The following LRFN5 variants were observed in gnomAD, a reference collection of about 807,000 sequenced individuals.
The protein encoded by LRFN5 is leucine-rich repeat and fibronectin type-III domain-containing protein 5.
In LRFN5, 24 loss-of-function variants were observed where a neutral mutation model predicts 45.6. The observed-to-expected ratio is 0.53, with a 90% CI of 0.38 to 0.74. The LOEUF is 0.74. LRFN5 is among the 30% of genes least tolerant of loss of function. The probability of loss-of-function intolerance (pLI) is 0.00; values close to 1 mark genes in which losing one functional copy is unlikely to be tolerated. For synonymous variants in LRFN5, 340 were observed against 313.8 expected, an observed-to-expected ratio of 1.08 and a Z score of -0.88; for missense variants, 776 against 861.5, an observed-to-expected ratio of 0.90 and a Z score of 1.24.
intron 1 of LRFN5, among the ~76,000 whole-genome samples, chr14:41,762,839 C>T (rs1885726089): frequency 6.6e-6 from 1 of 151,984 alleles, no homozygotes; most frequent in Non-Finnish European, 1.5e-5. Context: ...GTTTTTGCAT[C>T]ATGTAGGCCA....
Position 41,891,446 on chromosome 14 carries a change from A to G in LRFN5, c.1582A>G (p.Thr528Ala). 6.2e-7 allele frequency: 1 copy of G among 1,614,142 alleles called. No homozygotes were observed. Among genetic ancestry groups the G allele is most frequent in the Non-Finnish European group, 8.5e-7 (1 of 1,180,020 alleles). ...CATGCAGTCTCAGTTTTTGGGAGGC[A>G]CCATGATTATTATTATTGGTGGAAT... is the stretch of plus-strand genomic sequence containing the variant. ...HFMQSQFLGGTMIIIIGGIIV... is the reference protein window; with the variant it reads ...HFMQSQFLGGAMIIIIGGIIV... The change falls in exon 4 of 6, where the codon ACC becomes GCC. Residue 528 changes from threonine to alanine, a missense_variant. Coordinates refer to ENST00000298119, the MANE Select transcript of LRFN5 (RefSeq NM_152447.5).
At chr14:41,691,597 A>G (rs529853766) in intron 1 of LRFN5, among the ~76,000 whole-genome samples, 5 of 152,100 alleles carry the variant, frequency 3.3e-5, no homozygotes, top group Non-Finnish European at 5.9e-5. Flanking sequence ...TATACGTAAC[A>G]TTTAAAATTT....
At chr14:41,703,547 T>G (rs534284580) in intron 1 of LRFN5, among the ~76,000 whole-genome samples, 73 of 152,250 alleles carry the variant, frequency 4.8e-4, no homozygotes, top group African/African-American at 1.7e-3. Context: ...TGTTTTTTTT[T>G]GTTTGTTTTT....
chr14:41,855,665 C>G (rs879377270), intron 2 of LRFN5, among the ~76,000 whole-genome samples: 5 of 152,136 alleles, frequency 3.3e-5, no homozygotes, highest in Admixed American at 3.3e-4. Context: ...ACTAAGGAAA[C>G]TCTTGATGAC....
At chr14:41,826,010 A>G (rs772694256) in intron 2 of LRFN5, among the ~76,000 whole-genome samples, 3 of 152,160 alleles carry the variant, frequency 2.0e-5, no homozygotes, top group Non-Finnish European at 2.9e-5. Context: ...GTCTTCTGTT[A>G]GGCTCCAGCA....
At chr14:41,741,826 AC>A (rs1404484161) in intron 1 of LRFN5, among the ~76,000 whole-genome samples, 1 of 151,026 alleles carries the variant, frequency 6.6e-6, no homozygotes, top group Non-Finnish European at 1.5e-5. Context: ...AAAAAAAAAA[AC>A]CAAAAAACTA....
chr14:41,887,278 G>A lies in LRFN5; in HGVS notation c.653G>A (p.Arg218Gln), dbSNP rs749539710. Residue 218 changes from arginine to glutamine, a missense_variant, in exon 3 of 6, where the codon CGA becomes CAA. Around this residue, in one of 2 missense-constraint regions of LRFN5, gnomAD observed 311 missense variants for 405.1 expected, o/e 0.77. Coordinates refer to ENST00000298119, the MANE Select transcript of LRFN5 (RefSeq NM_152447.5). The surrounding 1 kb of genome is among the most constrained non-coding windows in gnomAD (Gnocchi z 4.8). ...QKLPPDPLFQ[R>Q]AQVLATSGII... is the part of the protein sequence containing the mutation. ...CTACCACCTGACCCTCTCTTTCAGC[G>A]AGCTCAGGTACTAGCAACCTCAGGA... is the stretch of plus-strand genomic sequence containing the variant. The A allele has an allele frequency of 6.2e-6, 10 of 1,613,996 alleles. No individual in the cohort carries two copies. The highest frequency in any genetic ancestry group is 5.3e-5 in the African/African-American group (4 of 74,902).
At chr14:41,614,627 G>A (rs1887871475) in intron 1 of LRFN5, among the ~76,000 whole-genome samples, 1 of 151,974 alleles carries the variant, frequency 6.6e-6, no homozygotes, top group East Asian at 1.9e-4. Flanking sequence ...TGTAGAAGTT[G>A]GTATTGTGCA....
chr14:41,685,301 A>G (rs901273124), intron 1 of LRFN5, among the ~76,000 whole-genome samples: 3 of 152,308 alleles, frequency 2.0e-5, no homozygotes, highest in African/African-American at 7.2e-5. Flanking sequence ...GTAGTTATAT[A>G]CACAAAAGAA....
chr14:41,683,487 T>C (rs1011250090), intron 1 of LRFN5, among the ~76,000 whole-genome samples: 1 of 152,018 alleles, frequency 6.6e-6, no homozygotes, highest in Non-Finnish European at 1.5e-5. Flanking sequence ...GAGGAAGATA[T>C]AAAGGTCAGG....
rs370734122 is a variant in LRFN5, at chr14:41,685,494, C to CT, written c.-197+76937dup. On this transcript the variant is annotated intron_variant, in intron 1 of 5. Transcript: ENST00000298119. ...ATTAGATCCTATCTGTCAATTTTGG[C>CT]TTTTTGGCAACTGCTTTTGACATTT... 2.6e-5 allele frequency among the ~76,000 whole-genome samples: 4 copies of CT among 152,220 alleles called. No homozygotes were observed. In the East Asian group the frequency reaches 7.7e-4, roughly 29 times the overall value.
chr14:41,794,436 C>T (rs1325461142), intron 2 of LRFN5, among the ~76,000 whole-genome samples: 1 of 151,944 alleles, frequency 6.6e-6, no homozygotes, highest in Non-Finnish European at 1.5e-5. Flanking sequence ...CATTTAATTT[C>T]ATTTAATTTA....
At position 41,824,233 on chromosome 14, in the gene LRFN5, A is replaced by G. The variant is rs1230172359; in HGVS notation, c.-21+57204A>G. ...TATGGTTATTTAGAGGTGTTGTAAC[A>G]TCTTGTTTTGTCACACTGCCAGAAT... is the stretch of plus-strand genomic sequence containing the variant. On this transcript the variant is annotated intron_variant, in intron 2 of 5. Coordinates refer to ENST00000298119, the MANE Select transcript of LRFN5 (RefSeq NM_152447.5). Among the ~76,000 whole-genome samples the G allele has an allele frequency of 5.9e-5, 9 of 152,294 alleles. No homozygotes were observed. In the East Asian group the frequency reaches 1.7e-3, roughly 29 times the overall value.
intron 1 of LRFN5, among the ~76,000 whole-genome samples, chr14:41,618,933 G>A (rs775346933): frequency 6.6e-6 from 1 of 152,016 alleles, no homozygotes; most frequent in Non-Finnish European, 1.5e-5. Flanking sequence ...AAAATTTTCT[G>A]TGATATTTCC....
chr14:41,731,415 T>C (rs1393636356), intron 1 of LRFN5: 2 of 152,194 alleles, frequency 1.3e-5, no homozygotes, highest in Non-Finnish European at 2.9e-5. Flanking sequence ...TCTTCACTGA[T>C]ATTATCTTAT....
At chr14:41,753,908 G>C (rs1885252038) in intron 1 of LRFN5, among the ~76,000 whole-genome samples, 1 of 152,088 alleles carries the variant, frequency 6.6e-6, no homozygotes, top group African/African-American at 2.4e-5. Flanking sequence ...GTTTGTCATA[G>C]ATAGCTCTTA....
At position 41,904,478 on chromosome 14, in the gene LRFN5, A is replaced by G. The variant is rs1891197212; in HGVS notation, c.*303A>G. ...ATCAATCCATCTTACATTGCCATCC[A>G]TGATTTAACAGACTGTAGAATCTTG... On this transcript the variant is annotated 3_prime_UTR_variant, in exon 6 of 6. Transcript: ENST00000298119. The G allele has an allele frequency of 3.3e-6, 1 of 306,752 alleles. No homozygotes were observed. The highest frequency in any genetic ancestry group is 5.9e-6 in the Non-Finnish European group (1 of 168,282). 19.0% of individuals were successfully genotyped at this position (306,752 alleles called of 1,614,324 possible). A position where few individuals can be genotyped will look rare whatever the true frequency, so the allele number is the denominator to read the frequency against.
chr14:41,766,704 C>CTT (rs1299686967), intron 1 of LRFN5, 150 bp from the exon 2 acceptor site: 2 of 152,170 alleles, frequency 1.3e-5, no homozygotes, highest in Non-Finnish European at 2.9e-5. Context: ...CATTGGAAAG[C>CTT]TTTATTATGC....
chr14:41,672,764 T>G (rs1012379110), intron 1 of LRFN5, among the ~76,000 whole-genome samples: 7 of 152,214 alleles, frequency 4.6e-5, no homozygotes, highest in Non-Finnish European at 1.0e-4. Flanking sequence ...AGAAAGCCTC[T>G]GAAACTATCT....
Sources: allele counts gnomAD v4.1 joint callset (sites outside exome capture counted in the v4.1 genomes callset), GRCh38; gene constraint gnomAD v4.1.1; regional missense constraint gnomAD v4.1.1; non-coding constraint Gnocchi (gnomAD v3.1); transcripts MANE v1.5; gene names NCBI Gene and HGNC (gene_info 2026-07-23, HGNC 2026-07-21).